GPC5: variants seen among roughly 807,000 people sequenced by gnomAD.
GPC5 encodes the protein glypican-5.
Under a neutral mutation model 53.9 loss-of-function variants are expected in GPC5, and 47 were observed. That is an observed-to-expected ratio of 0.87 (90% CI 0.69 to 1.11). The LOEUF (loss-of-function observed/expected upper bound fraction) is 1.11, where lower values mean the gene tolerates loss of function less well. GPC5 is among the 50% of genes most tolerant of loss of function. GPC5 has a pLI of 0.00. For synonymous variants in GPC5, 286 were observed against 263.3 expected (o/e 1.09, Z -0.84); for missense variants, 748 against 713.1 (o/e 1.05, Z -0.56).
At chr13:91,494,016 G>A (rs908891097) in intron 2 of GPC5, among the ~76,000 whole-genome samples, 9 of 151,872 alleles carry the variant, frequency 5.9e-5, no homozygotes, top group African/African-American at 7.3e-5. Flanking sequence ...TGAGACTACA[G>A]GCACCCACCA....
At chr13:92,324,641 T>C (rs948875538) in intron 7 of GPC5, among the ~76,000 whole-genome samples, 2 of 111,970 alleles carry the variant, frequency 1.8e-5, no homozygotes, top group African/African-American at 1.1e-4. Flanking sequence ...TATCATTATG[T>C]AGTATGGCAT....
chr13:92,292,419 C>A (rs1186557010), intron 7 of GPC5, among the ~76,000 whole-genome samples: 1 of 152,148 alleles, frequency 6.6e-6, no homozygotes, highest in Admixed American at 6.5e-5. Context: ...TTGCATTTCC[C>A]TGATCATTAG....
chr13:92,384,739 T>TAG (rs1001656409), intron 7 of GPC5, among the ~76,000 whole-genome samples: 1 of 152,252 alleles, frequency 6.6e-6, no homozygotes, highest in East Asian at 1.9e-4. Context: ...GTGAGAAATT[T>TAG]AGAGAGAGAG....
intron 7 of GPC5, among the ~76,000 whole-genome samples, chr13:92,646,426 T>TAATAA (rs1885771760): frequency 1.3e-5 from 2 of 152,232 alleles, no homozygotes; most frequent in South Asian, 4.1e-4. Context: ...TATAGCTTTA[T>TAATAA]AGTGTGACTT....
intron 6 of GPC5, among the ~76,000 whole-genome samples, chr13:92,141,476 C>G (rs1456349274): frequency 6.6e-6 from 1 of 152,096 alleles, no homozygotes; most frequent in African/African-American, 2.4e-5. Context: ...ACCATCTTCT[C>G]AGGAAGGTGG....
At chr13:92,345,136 C>T (rs1385375738) in intron 7 of GPC5, among the ~76,000 whole-genome samples, 1 of 151,938 alleles carries the variant, frequency 6.6e-6, no homozygotes, top group Non-Finnish European at 1.5e-5. Context: ...TAATTATGAT[C>T]CATGAAACAT....
At chr13:92,530,785 A>G (rs1193599980) in intron 7 of GPC5, among the ~76,000 whole-genome samples, 1 of 152,066 alleles carries the variant, frequency 6.6e-6, no homozygotes, top group African/African-American at 2.4e-5. Context: ...ACTTGTGCAC[A>G]TTTCTGTATG....
intron 7 of GPC5, among the ~76,000 whole-genome samples, chr13:92,278,970 AT>A (rs373499473): frequency 6.6e-5 from 10 of 150,580 alleles, no homozygotes; most frequent in South Asian, 2.1e-4. Flanking sequence ...GTCTTAAATC[AT>A]TTTTTTTTCT....
At chr13:92,018,628 A>G (rs1320931816) in intron 6 of GPC5, among the ~76,000 whole-genome samples, 2 of 152,130 alleles carry the variant, frequency 1.3e-5, no homozygotes, top group Non-Finnish European at 2.9e-5. Flanking sequence ...TTAAGAAAAA[A>G]GCTCAAATTC....
intron 7 of GPC5, among the ~76,000 whole-genome samples, chr13:92,257,785 C>T (rs892602098): frequency 6.6e-6 from 1 of 151,556 alleles, no homozygotes; most frequent in Admixed American, 6.6e-5. Flanking sequence ...CTCCTGACCT[C>T]GTGATCCGCC....
chr13:92,195,279 C>T (rs1361475652), intron 7 of GPC5, among the ~76,000 whole-genome samples: 2 of 152,206 alleles, frequency 1.3e-5, no homozygotes, highest in Admixed American at 6.5e-5. Context: ...TAAAACTAAA[C>T]AAGACAGGGC....
At chr13:91,545,158 C>G (rs984238024) in intron 2 of GPC5, among the ~76,000 whole-genome samples, 1 of 152,152 alleles carries the variant, frequency 6.6e-6, no homozygotes, top group African/African-American at 2.4e-5. Context: ...GTCCAGCCAT[C>G]ATTCAATGGC....
At chr13:92,196,741 A>G (rs1196689304) in intron 7 of GPC5, among the ~76,000 whole-genome samples, 1 of 152,166 alleles carries the variant, frequency 6.6e-6, no homozygotes, top group African/African-American at 2.4e-5. Context: ...CTTCGTATCC[A>G]TGTCAGACGC....
At chr13:92,796,166 G>A (rs1258991310) in intron 7 of GPC5, among the ~76,000 whole-genome samples, 1 of 152,076 alleles carries the variant, frequency 6.6e-6, no homozygotes, top group African/African-American at 2.4e-5. Context: ...TATATACCAT[G>A]GAATATTATG....
intron 5 of GPC5, among the ~76,000 whole-genome samples, chr13:91,902,706 C>T (rs535568505): frequency 2.6e-5 from 4 of 152,044 alleles, no homozygotes; most frequent in Admixed American, 6.6e-5. Context: ...TAAAATGTCA[C>T]GAGGGGAACT....
chr13:91,887,649 A>G (rs1248837356), intron 5 of GPC5, among the ~76,000 whole-genome samples: 1 of 152,120 alleles, frequency 6.6e-6, no homozygotes. Flanking sequence ...CTCAAGTTCA[A>G]ATTTCCATAG....
chr13:92,502,849 A>T (rs1880240378), intron 7 of GPC5, among the ~76,000 whole-genome samples: 4 of 151,926 alleles, frequency 2.6e-5, no homozygotes, highest in Admixed American at 2.0e-4. Context: ...AATCAATTCT[A>T]ATTGACATTG....
At chr13:92,429,402 C>A (rs370318651) in intron 7 of GPC5, among the ~76,000 whole-genome samples, 1 of 151,550 alleles carries the variant, frequency 6.6e-6, no homozygotes, top group African/African-American at 2.4e-5. Flanking sequence ...TAATAATACA[C>A]AAAATATTAA....
At chr13:91,775,189 G>A (rs342699) in intron 5 of GPC5, among the ~76,000 whole-genome samples, 109,093 of 152,044 alleles carry the variant, frequency 0.72, 39,396 homozygotes, top group East Asian at 0.89. Context: ...CATCATAAGC[G>A]AAGTTATATC....
Sources: allele counts gnomAD v4.1 joint callset (sites outside exome capture counted in the v4.1 genomes callset), GRCh38; gene constraint gnomAD v4.1.1; transcripts MANE v1.5; gene names NCBI Gene and HGNC (gene_info 2026-07-23, HGNC 2026-07-21).